CNBD1: variants seen among roughly 807,000 people sequenced by gnomAD.
The protein encoded by CNBD1 is cyclic nucleotide binding domain containing 1.
A neutral mutation model predicts 54.4 loss-of-function variants in CNBD1; 71 were observed. The observed-to-expected ratio is 1.30, with a 90% CI of 1.08 to 1.59. The LOEUF (loss-of-function observed/expected upper bound fraction) is 1.59. CNBD1 is among the 40% of genes most tolerant of loss of function. CNBD1 has a pLI of 0.00. For missense variants in CNBD1, 659 were observed against 518.0 expected, an observed-to-expected ratio of 1.27 and a Z score of -2.64; for synonymous variants, 182 against 170.7, an observed-to-expected ratio of 1.07 and a Z score of -0.51.
At position 87,342,269 on chromosome 8, in the gene CNBD1, T is replaced by C. The variant is rs527514137; in HGVS notation, c.1043-9416T>C. On this transcript the variant is annotated intron_variant, in intron 8 of 10. Transcript: ENST00000518476. ...GCCTGGGCAACAGAGCAAGACTCCA[T>C]CTCAAAAAGAAAAAAAAAAAAAAGA... 8.4e-5 allele frequency among the ~76,000 whole-genome samples: 10 copies of C among 118,960 alleles called. 1 individual carries two copies. The South Asian group carries it at 2.2e-3, about 26-fold the overall frequency. 78.0% of individuals were successfully genotyped at this position (118,960 alleles called of 152,430 possible).
intron 4 of CNBD1, among the ~76,000 whole-genome samples, chr8:87,195,578 T>TA (rs1272302481): frequency 1.6e-4 from 24 of 150,208 alleles, no homozygotes; most frequent in Non-Finnish European, 3.3e-4. Context: ...TTTTTTTTTT[T>TA]AATTTTTATT....
chr8:86,988,747 C>T (rs931647763), intron 4 of CNBD1, among the ~76,000 whole-genome samples: 2 of 152,022 alleles, frequency 1.3e-5, no homozygotes, highest in Non-Finnish European at 2.9e-5. Flanking sequence ...TAATTTTTAG[C>T]TTCCACAAAT....
At chr8:87,255,926 A>C (rs1807998202) in intron 6 of CNBD1, among the ~76,000 whole-genome samples, 2 of 134,158 alleles carry the variant, frequency 1.5e-5, no homozygotes, top group Admixed American at 1.6e-4. Flanking sequence ...CTGATGTTGC[A>C]AGATTCATAT....
intron 4 of CNBD1, among the ~76,000 whole-genome samples, chr8:87,041,038 G>A (rs1436355443): frequency 6.6e-6 from 1 of 151,936 alleles, no homozygotes; most frequent in Non-Finnish European, 1.5e-5. Context: ...TGGTGCAGTA[G>A]TAATTGCAGT....
At chr8:87,190,030 TA>T (rs1430381996) in intron 4 of CNBD1, among the ~76,000 whole-genome samples, 3 of 152,210 alleles carry the variant, frequency 2.0e-5, no homozygotes, top group Non-Finnish European at 4.4e-5. Flanking sequence ...AATAATTTCA[TA>T]ACAGCCACAA....
intron 4 of CNBD1, among the ~76,000 whole-genome samples, chr8:87,039,460 T>TG (rs979174571): frequency 3.3e-5 from 5 of 152,236 alleles, no homozygotes; most frequent in South Asian, 4.1e-4. Flanking sequence ...CATGGTTTTT[T>TG]GGGGGGGTTG....
chr8:87,157,860 T>A (rs1229875393), intron 4 of CNBD1, among the ~76,000 whole-genome samples: 1 of 152,208 alleles, frequency 6.6e-6, no homozygotes, highest in African/African-American at 2.4e-5. Flanking sequence ...TAAATAGCTG[T>A]GATTTCTCTC....
chr8:87,203,351 C>A (rs1813903578), intron 4 of CNBD1, among the ~76,000 whole-genome samples: 1 of 152,142 alleles, frequency 6.6e-6, no homozygotes, highest in South Asian at 2.1e-4. Context: ...TACACACTTA[C>A]ACAAACAAAT....
intron 4 of CNBD1, among the ~76,000 whole-genome samples, chr8:87,137,094 T>TTC (rs1812264582): frequency 9.3e-6 from 1 of 107,896 alleles, no homozygotes; most frequent in African/African-American, 3.9e-5. Flanking sequence ...TATATTTATA[T>TTC]TATATGTAAA....
In CNBD1 at chr8:87,166,479, G is replaced by A. The variant is rs1025998013; in HGVS notation, c.432-39514G>A. ...TTCAAAACACAAACTGATTTCATTT[G>A]TTGCCCCATTAATCTGTTTATTGAC... On this transcript the variant is annotated intron_variant, in intron 4 of 10. Coordinates refer to ENST00000518476, the MANE Select transcript of CNBD1 (RefSeq NM_173538.3). This position sits in a 1 kb window ranked among gnomAD's most constrained non-coding sequence, Gnocchi z 4.3. Among the ~76,000 whole-genome samples the A allele has an allele frequency of 6.6e-6, 1 of 151,904 alleles. No individual in the cohort carries two copies. The highest frequency in any genetic ancestry group is 1.5e-5 in the Non-Finnish European group (1 of 67,904).
chr8:87,262,336 G>T lies in CNBD1; in HGVS notation c.772-22342G>T, dbSNP rs186942564. On this transcript the variant is annotated intron_variant, in intron 6 of 10. Transcript: ENST00000518476. ...AATTACAGGTTTCTTTTTCTTTTCT[G>T]ATGTGATGTTTAATTTTATGTGTCA... 2.7e-3 allele frequency among the ~76,000 whole-genome samples: 413 copies of T among 152,218 alleles called. 2 individuals carry two copies. The highest frequency in any genetic ancestry group is 5.3e-3 in the Non-Finnish European group (362 of 67,998).
At chr8:87,310,557 C>T (rs1047179992) in intron 8 of CNBD1, among the ~76,000 whole-genome samples, 10 of 152,024 alleles carry the variant, frequency 6.6e-5, no homozygotes, top group African/African-American at 2.4e-4. Context: ...GCCATATTGC[C>T]CAAAACAATC....
At chr8:87,246,258 C>T (rs1190512162) in intron 6 of CNBD1, among the ~76,000 whole-genome samples, 1 of 152,086 alleles carries the variant, frequency 6.6e-6, no homozygotes, top group Non-Finnish European at 1.5e-5. Flanking sequence ...ATTCATTTCC[C>T]ATGTCATAAT....
At chr8:86,955,034 C>A (rs914745452) in intron 4 of CNBD1, among the ~76,000 whole-genome samples, 1 of 147,550 alleles carries the variant, frequency 6.8e-6, no homozygotes, top group African/African-American at 2.5e-5. Context: ...CACCCTGTGT[C>A]CAAGTGTTCT....
At position 86,962,950 on chromosome 8, in the gene CNBD1, C is replaced by T. The variant is rs182980153; in HGVS notation, c.431+23196C>T. ...AGGGGAAAAAGCTATTTTCTTTCTC[C>T]AGCCTGAGGGTCAAAGGAGTCCAGT... is the stretch of plus-strand genomic sequence containing the variant. On this transcript the variant is annotated intron_variant, in intron 4 of 10. Transcript: ENST00000518476. 3.5e-3 allele frequency among the ~76,000 whole-genome samples: 535 copies of T among 152,196 alleles called. 4 individuals carry two copies. The highest frequency in any genetic ancestry group is 0.012 in the African/African-American group (504 of 41,516).
intron 2 of CNBD1, among the ~76,000 whole-genome samples, chr8:87,390,020 G>C (rs1180443693): frequency 6.6e-6 from 1 of 151,160 alleles, no homozygotes; most frequent in Admixed American, 6.6e-5. Context: ...TTTAATAAAT[G>C]GTGCTGGGAA....
At chr8:86,976,861 G>T (rs1461196146) in intron 4 of CNBD1, among the ~76,000 whole-genome samples, 1 of 151,858 alleles carries the variant, frequency 6.6e-6, no homozygotes, top group Non-Finnish European at 1.5e-5. Flanking sequence ...GATACTGATT[G>T]CTTTATGTTG....
At chr8:87,415,292 T>C (rs1262445409) in intron 2 of CNBD1, among the ~76,000 whole-genome samples, 2 of 151,896 alleles carry the variant, frequency 1.3e-5, no homozygotes, top group African/African-American at 4.8e-5. Context: ...TAGGTTGAGT[T>C]CCAAGAATTT....
At chr8:87,308,857 C>CGTATATA (rs1809208787) in intron 8 of CNBD1, among the ~76,000 whole-genome samples, 1 of 152,056 alleles carries the variant, frequency 6.6e-6, no homozygotes. Flanking sequence ...CTTTATGTGC[C>CGTATATA]TGTCTTATTT....
Sources: gnomAD v4.1 joint callset for allele counts (sites outside exome capture counted in the v4.1 genomes callset) on GRCh38, gnomAD v4.1.1 for gene constraint, Gnocchi (gnomAD v3.1) non-coding constraint, MANE v1.5 for transcripts, NCBI Gene and HGNC (gene_info 2026-07-23, HGNC 2026-07-21) for gene names.